NRXN3: variants seen among roughly 807,000 people sequenced by gnomAD.
NRXN3 encodes neurexin 3.
In NRXN3, 32 loss-of-function variants were observed where a neutral mutation model predicts 137.6. The observed-to-expected ratio is 0.23, with a 90% CI of 0.18 to 0.31. The LOEUF is 0.31. NRXN3 is among the 10% of genes least tolerant of loss of function. The pLI is 1.00. For synonymous variants in NRXN3, 798 were observed against 784.5 expected (o/e 1.02, Z -0.29); for missense variants, 1,574 against 2,062.5 (o/e 0.76, Z 4.59).
At chr14:79,333,034 C>A (rs569408858) in intron 15 of NRXN3, among the ~76,000 whole-genome samples, 5 of 152,220 alleles carry the variant, frequency 3.3e-5, no homozygotes, top group Admixed American at 3.3e-4. Flanking sequence ...CCTGCACCCC[C>A]CTGCTGTGTG....
chr14:79,384,760 T>C (rs2094559179), intron 15 of NRXN3, among the ~76,000 whole-genome samples: 1 of 152,194 alleles, frequency 6.6e-6, no homozygotes, highest in Non-Finnish European at 1.5e-5. Context: ...ATGGACAAAC[T>C]ACTTAATCTC....
chr14:79,277,166 A>G (rs936769357), intron 15 of NRXN3, among the ~76,000 whole-genome samples: 4 of 152,176 alleles, frequency 2.6e-5, no homozygotes, highest in East Asian at 1.9e-4. Context: ...CACCCATCAC[A>G]TGAAAATCTT....
intron 5 of NRXN3, among the ~76,000 whole-genome samples, chr14:78,650,495 G>A (rs2152623287): frequency 6.6e-6 from 1 of 151,504 alleles, no homozygotes; most frequent in Non-Finnish European, 1.5e-5. Flanking sequence ...TTTTGGTTTG[G>A]GTCATTTCTT....
chr14:78,173,017 A>G (rs997609782), intron 1 of NRXN3, among the ~76,000 whole-genome samples: 2 of 152,024 alleles, frequency 1.3e-5, no homozygotes, highest in African/African-American at 4.8e-5. Context: ...AGGTGGACTG[A>G]TGCTTGGGGT....
At chr14:79,285,839 C>A (rs1035803917) in intron 15 of NRXN3, among the ~76,000 whole-genome samples, 1 of 152,056 alleles carries the variant, frequency 6.6e-6, no homozygotes, top group Non-Finnish European at 1.5e-5. Flanking sequence ...AATGCTCTTT[C>A]TCCTCACCGT....
At chr14:78,723,630 A>G (rs8005048) in intron 8 of NRXN3, among the ~76,000 whole-genome samples, 30,516 of 152,126 alleles carry the variant, frequency 0.2, 4,270 homozygotes, top group African/African-American at 0.4. Context: ...ATTTGCCATG[A>G]CAATATTGGC....
chr14:79,548,293 G>A (rs2153744982), intron 16 of NRXN3, among the ~76,000 whole-genome samples: 1 of 152,196 alleles, frequency 6.6e-6, no homozygotes, highest in African/African-American at 2.4e-5. Flanking sequence ...GCAGTGTTTG[G>A]TTTTCTGTTC....
chr14:78,946,529 A>G (rs1221952831), intron 10 of NRXN3, among the ~76,000 whole-genome samples: 1 of 152,148 alleles, frequency 6.6e-6, no homozygotes, highest in African/African-American at 2.4e-5. Flanking sequence ...AACTTTCACA[A>G]CACCTGTCTA....
intron 16 of NRXN3, among the ~76,000 whole-genome samples, chr14:79,575,909 A>G (rs1407035008): frequency 1.3e-5 from 2 of 152,206 alleles, no homozygotes; most frequent in Admixed American, 6.5e-5. Context: ...AGTCTGTTAT[A>G]AAATTGATCA....
At chr14:79,257,529 G>A (rs1471073655) in intron 15 of NRXN3, among the ~76,000 whole-genome samples, 4 of 100,444 alleles carry the variant, frequency 4.0e-5, no homozygotes, top group Admixed American at 1.0e-4. Context: ...GGTGGTGGTG[G>A]TGGTGATGGT....
chr14:78,859,922 T>G (rs1251933001), intron 10 of NRXN3, among the ~76,000 whole-genome samples: 1 of 152,136 alleles, frequency 6.6e-6, no homozygotes, highest in Admixed American at 6.6e-5. Context: ...CTTGCCATCT[T>G]TCCTCTAAAG....
chr14:79,046,385 T>G lies in NRXN3; in HGVS notation c.3262+58244T>G, dbSNP rs564737825. On this transcript the variant is annotated intron_variant, in intron 15 of 20. Coordinates refer to ENST00000335750, the MANE Select transcript of NRXN3 (RefSeq NM_001330195.2). ...GAGATTTGGAGCAAGGTCTAGAAGC[T>G]CATATCAGCAAGGAGTAAGTATGCT... is the stretch of plus-strand genomic sequence containing the variant. 1.6e-4 allele frequency among the ~76,000 whole-genome samples: 24 copies of G among 152,338 alleles called. 1 individual carries two copies. The highest frequency in any genetic ancestry group is 5.8e-4 in the African/African-American group (24 of 41,582).
At chr14:78,399,611 T>C (rs937232833) in intron 4 of NRXN3, among the ~76,000 whole-genome samples, 1 of 152,232 alleles carries the variant, frequency 6.6e-6, no homozygotes. Context: ...AGCCTCTAAC[T>C]ACTCTGCTCT....
intron 15 of NRXN3, among the ~76,000 whole-genome samples, chr14:79,024,336 G>T (rs2099594757): frequency 6.6e-6 from 1 of 151,894 alleles, no homozygotes; most frequent in Non-Finnish European, 1.5e-5. Flanking sequence ...TCAAATTCAG[G>T]TTTTTAAATA....
intron 15 of NRXN3, among the ~76,000 whole-genome samples, chr14:79,031,880 G>A (rs936350125): frequency 6.6e-6 from 1 of 152,094 alleles, no homozygotes; most frequent in Non-Finnish European, 1.5e-5. Context: ...GTTTAAACGT[G>A]GTGCAGGAAA....
chr14:79,473,446 CTA>C (rs2096532477), intron 16 of NRXN3, among the ~76,000 whole-genome samples: 1 of 152,086 alleles, frequency 6.6e-6, no homozygotes, highest in African/African-American at 2.4e-5. Context: ...TGGGCTGTCT[CTA>C]TGTGGGATAT....
rs563567939 is a variant in NRXN3, at chr14:79,633,028, G to C, written c.3445-30750G>C. 1.2e-3 allele frequency among the ~76,000 whole-genome samples: 182 copies of C among 152,256 alleles called. 2 individuals carry two copies. The highest frequency in any genetic ancestry group is 2.0e-3 in the Non-Finnish European group (139 of 68,024). On this transcript the variant is annotated intron_variant, in intron 16 of 20. Coordinates refer to ENST00000335750, the MANE Select transcript of NRXN3 (RefSeq NM_001330195.2). ...CTGCAAATAAGAAAACTGAGAAATA[G>C]AACATTCAAGGGATTTGCTCACAGC...
intron 6 of NRXN3, among the ~76,000 whole-genome samples, chr14:78,704,052 T>G (rs2098319608): frequency 1.3e-5 from 2 of 152,168 alleles, no homozygotes; most frequent in Admixed American, 1.3e-4. Flanking sequence ...TCTCAGAAAG[T>G]TGAGAACAGA....
At chr14:79,759,463 G>A (rs11845174) in intron 19 of NRXN3, among the ~76,000 whole-genome samples, 80,408 of 150,820 alleles carry the variant, frequency 0.53, 22,451 homozygotes, top group Middle Eastern at 0.65. Flanking sequence ...AATACCTTAC[G>A]TATACTTCTA....
Sources: allele counts gnomAD v4.1 joint callset (sites outside exome capture counted in the v4.1 genomes callset), GRCh38; gene constraint gnomAD v4.1.1; transcripts MANE v1.5; gene names NCBI Gene and HGNC (gene_info 2026-07-23, HGNC 2026-07-21).